The following ANK3 variants were observed in gnomAD, a reference collection of about 807,000 sequenced individuals.
ANK3 encodes ankyrin-3.
Under a neutral mutation model 370.9 loss-of-function variants are expected in ANK3, and 57 were observed. That is an observed-to-expected ratio of 0.15 (90% CI 0.12 to 0.19). The LOEUF (loss-of-function observed/expected upper bound fraction) is 0.19. Ranked by LOEUF, ANK3 falls within the 10% of genes least tolerant of loss-of-function variation. The pLI, the probability that ANK3 is intolerant of heterozygous loss-of-function variation, is 1.00. For missense variants in ANK3, 4,439 were observed against 5,302.1 expected, an observed-to-expected ratio of 0.84 and a Z score of 5.06; for synonymous variants, 1,929 against 1,946.3, an observed-to-expected ratio of 0.99 and a Z score of 0.23.
chr10:60,387,090 G>A (rs540742726), intron 1 of ANK3, among the ~76,000 whole-genome samples: 1 of 152,002 alleles, frequency 6.6e-6, no homozygotes, highest in East Asian at 1.9e-4. Context: ...AAGCCAGGAG[G>A]TGGAGGTTGC....
chr10:60,696,273 CA>C (rs1349078674), intron 1 of ANK3, among the ~76,000 whole-genome samples: 5 of 149,506 alleles, frequency 3.3e-5, no homozygotes, highest in Non-Finnish European at 7.4e-5. Flanking sequence ...GCTTACCAAC[CA>C]AAAAGAGTCC....
At chr10:60,655,311 T>C (rs2133366515) in intron 1 of ANK3, among the ~76,000 whole-genome samples, 1 of 151,970 alleles carries the variant, frequency 6.6e-6, no homozygotes, top group African/African-American at 2.4e-5. Flanking sequence ...GCTCCAGGCA[T>C]GTTGTTGCCT....
At chr10:60,366,851 A>T (rs2059451086) in intron 1 of ANK3, among the ~76,000 whole-genome samples, 1 of 152,068 alleles carries the variant, frequency 6.6e-6, no homozygotes, top group Non-Finnish European at 1.5e-5. Flanking sequence ...CAGAACTCTT[A>T]TTTTTTCGGT....
chr10:60,066,863 A>C (rs2081748873), intron 38 of ANK3, among the ~76,000 whole-genome samples: 1 of 152,162 alleles, frequency 6.6e-6, no homozygotes, highest in Non-Finnish European at 1.5e-5. Context: ...TTAAGCTCAA[A>C]ATTACAATGC....
chr10:60,197,030 C>A (rs2096597532), intron 14 of ANK3, among the ~76,000 whole-genome samples: 1 of 152,126 alleles, frequency 6.6e-6, no homozygotes, highest in East Asian at 1.9e-4. Flanking sequence ...GTCCCAGACT[C>A]AGTTTGGAGG....
At chr10:60,638,206 T>C (rs1389799665) in intron 1 of ANK3, among the ~76,000 whole-genome samples, 1 of 152,180 alleles carries the variant, frequency 6.6e-6, no homozygotes, top group Non-Finnish European at 1.5e-5. Flanking sequence ...GGCTGAAAAG[T>C]TCCTAGAGAT....
chr10:60,078,055 G>A (rs11593609), intron 36 of ANK3, among the ~76,000 whole-genome samples: 10,988 of 152,262 alleles, frequency 0.072, 558 homozygotes, highest in Non-Finnish European at 0.11. Flanking sequence ...AACGGCTAAT[G>A]TTCTACATCA....
chr10:60,697,840 A>T (rs1450926417), intron 1 of ANK3, among the ~76,000 whole-genome samples: 2 of 151,944 alleles, frequency 1.3e-5, no homozygotes, highest in Admixed American at 6.6e-5. Flanking sequence ...GGACATAGGC[A>T]TGGGCAAGGA....
chr10:60,420,308 A>C (rs758917222), intron 2 of ANK3, among the ~76,000 whole-genome samples: 115 of 152,268 alleles, frequency 7.6e-4, no homozygotes, highest in Admixed American at 2.3e-3. Context: ...ACTATTCACT[A>C]GCTCTTTATT....
intron 1 of ANK3, among the ~76,000 whole-genome samples, chr10:60,680,137 G>GAAAA (rs10641945): frequency 7.8e-6 from 1 of 128,386 alleles, no homozygotes; most frequent in Non-Finnish European, 1.6e-5. Flanking sequence ...TCTGTCTCGG[G>GAAAA]AAAAAAAAAA....
intron 25 of ANK3, among the ~76,000 whole-genome samples, chr10:60,133,297 T>A (rs564358153): frequency 1.3e-5 from 2 of 152,376 alleles, no homozygotes; most frequent in Admixed American, 1.3e-4. Context: ...CATCTGTCAT[T>A]AAATCACTAC....
At chr10:60,583,932 GTGA>G (rs888537152) in intron 2 of ANK3, among the ~76,000 whole-genome samples, 3 of 151,994 alleles carry the variant, frequency 2.0e-5, no homozygotes, top group African/African-American at 7.2e-5. Flanking sequence ...GATGTTTATG[GTGA>G]TGATATGTTA....
chr10:60,605,193 C>A (rs553779961), intron 2 of ANK3, among the ~76,000 whole-genome samples: 4 of 152,244 alleles, frequency 2.6e-5, no homozygotes, highest in Admixed American at 2.0e-4. Context: ...CAACTGATAG[C>A]CACAGACCAG....
At chr10:60,704,563 G>C (rs1036657834) in intron 1 of ANK3, among the ~76,000 whole-genome samples, 1 of 152,096 alleles carries the variant, frequency 6.6e-6, no homozygotes, top group African/African-American at 2.4e-5. Context: ...AGATAATGGG[G>C]GTGACGTTAG....
chr10:60,396,604 T>C (rs925214706), intron 2 of ANK3, among the ~76,000 whole-genome samples: 4 of 152,222 alleles, frequency 2.6e-5, no homozygotes, highest in Non-Finnish European at 5.9e-5. Flanking sequence ...TAAATTCTCC[T>C]GTGTACCTTG....
chr10:60,669,516 G>A (rs2079040323), intron 1 of ANK3, among the ~76,000 whole-genome samples: 1 of 152,078 alleles, frequency 6.6e-6, no homozygotes, highest in Non-Finnish European at 1.5e-5. Context: ...CCACTTCACT[G>A]GAATGTTTTT....
chr10:60,421,248 T>C (rs2063772649), intron 2 of ANK3, among the ~76,000 whole-genome samples: 1 of 152,090 alleles, frequency 6.6e-6, no homozygotes, highest in Non-Finnish European at 1.5e-5. Context: ...TGGAGATAGA[T>C]AGTAGGGATA....
intron 2 of ANK3, among the ~76,000 whole-genome samples, chr10:60,559,818 T>C (rs2077293180): frequency 1.3e-5 from 2 of 152,106 alleles, no homozygotes; most frequent in South Asian, 4.1e-4. Flanking sequence ...ACCACATCAG[T>C]ACATCAATTA....
intron 2 of ANK3, among the ~76,000 whole-genome samples, chr10:60,458,650 T>C (rs2064810612): frequency 6.6e-6 from 1 of 152,104 alleles, no homozygotes; most frequent in Admixed American, 6.6e-5. Flanking sequence ...TTTGGATGAC[T>C]AGATGAGAGA....
Sources: gnomAD v4.1 joint callset for allele counts (sites outside exome capture counted in the v4.1 genomes callset) on GRCh38, gnomAD v4.1.1 for gene constraint, MANE v1.5 for transcripts, NCBI Gene and HGNC (gene_info 2026-07-23, HGNC 2026-07-21) for gene names.